The following DMC1 variants were observed in gnomAD, a reference collection of about 807,000 sequenced individuals.
DMC1 encodes the protein meiotic recombination protein DMC1 homolog.
In DMC1, 27 loss-of-function variants were observed where a neutral mutation model predicts 50.1. The ratio of observed to expected loss-of-function variants is 0.54; its 90% confidence interval spans 0.40 to 0.74. The LOEUF is 0.74. DMC1 is among the 30% of genes least tolerant of loss of function. DMC1 has a pLI of 0.00. For synonymous variants in DMC1, 148 were observed against 136.1 expected, an observed-to-expected ratio of 1.09 and a Z score of -0.61; for missense variants, 295 against 420.2, an observed-to-expected ratio of 0.70 and a Z score of 2.60.
chr22:38,544,916 G>A (rs1208172410), intron 8 of DMC1, among the ~76,000 whole-genome samples: 1 of 151,958 alleles, frequency 6.6e-6, no homozygotes, highest in Non-Finnish European at 1.5e-5. Context: ...ACAGGCATGA[G>A]CCACTGCGCC....
In DMC1 at chr22:38,521,482, T is replaced by C. The variant is rs540083745; in HGVS notation, c.953+126A>G. Reference sequence around the variant, plus strand: ...ACTTTGGGAGCCCAAGGTGGGAGGATTGCTTGAGCCTAGGAGTTTGAGACC... The same window carrying C: ...ACTTTGGGAGCCCAAGGTGGGAGGACTGCTTGAGCCTAGGAGTTTGAGACC... On this transcript the variant is annotated intron_variant, in intron 13 of 13. Coordinates refer to ENST00000216024, the MANE Select transcript of DMC1 (RefSeq NM_007068.4). 222 of 658,988 alleles carry C rather than the reference T, an allele frequency of 3.4e-4. 1 individual carries two copies. The highest frequency in any genetic ancestry group is 5.2e-4 in the Non-Finnish European group (195 of 372,350). 40.8% of individuals were successfully genotyped at this position (658,988 alleles called of 1,614,324 possible). A position where few individuals can be genotyped will look rare whatever the true frequency, so the allele number is the denominator to read the frequency against.
intron 6 of DMC1, 97 bp downstream of exon 6, chr22:38,555,260 T>G: frequency 1.3e-6 from 1 of 797,272 alleles, no homozygotes. Flanking sequence ...CAATTTATTA[T>G]TGGTTGTTTA....
intron 9 of DMC1, among the ~76,000 whole-genome samples, chr22:38,538,930 G>A (rs1236082360): frequency 2.0e-5 from 3 of 151,964 alleles, no homozygotes; most frequent in Non-Finnish European, 4.4e-5. Context: ...CAGCGACTTG[G>A]GAGGCTGAGG....
intron 12 of DMC1, among the ~76,000 whole-genome samples, chr22:38,531,247 A>T (rs1569156013): frequency 6.6e-6 from 1 of 152,058 alleles, no homozygotes; most frequent in Non-Finnish European, 1.5e-5. Flanking sequence ...TGATACTTTG[A>T]CTTTTTATCT....
At chr22:38,569,352 T>G (rs1027547688) in intron 1 of DMC1, 1 of 152,112 alleles carries the variant, frequency 6.6e-6, no homozygotes, top group African/African-American at 2.4e-5. Context: ...CTTGGTCGAT[T>G]CCATTTCCTC....
chr22:38,561,735 T>C (rs2090529653), intron 5 of DMC1, among the ~76,000 whole-genome samples: 1 of 152,200 alleles, frequency 6.6e-6, no homozygotes, highest in South Asian at 2.1e-4. Context: ...CTGCTTTTGT[T>C]CTAAATGCTC....
intron 2 of DMC1, 102 bp downstream of exon 2, chr22:38,568,104 T>G (rs2090599204): frequency 9.5e-7 from 1 of 1,051,778 alleles, no homozygotes; most frequent in Non-Finnish European, 1.5e-6. Context: ...AACTATGTGT[T>G]ATTTCTACTT....
chr22:38,563,952 G>A (rs1291197565), intron 4 of DMC1, among the ~76,000 whole-genome samples: 3 of 151,844 alleles, frequency 2.0e-5, no homozygotes, highest in East Asian at 1.9e-4. Context: ...CGCCTGCCTC[G>A]GCCTCCCAAA....
rs574153803 is a variant in DMC1 at position 38,568,308 on chromosome 22, T to C, written c.-33-19A>G. The C allele has an allele frequency of 3.4e-4, 534 of 1,582,138 alleles. No homozygotes were observed. The highest frequency in any genetic ancestry group is 4.4e-4 in the Non-Finnish European group (502 of 1,151,206). On this transcript the variant is annotated intron_variant, in intron 1 of 13. Transcript: ENST00000216024. ...ATCACTTCTGGGAAAATAAGAAATATTATGTAAGAAGTAGTCCTTTGTCCA... is the reference window on the plus strand; with the variant it reads ...ATCACTTCTGGGAAAATAAGAAATACTATGTAAGAAGTAGTCCTTTGTCCA...
chr22:38,546,548 C>T (rs1266583123), intron 8 of DMC1, among the ~76,000 whole-genome samples: 3 of 152,174 alleles, frequency 2.0e-5, no homozygotes, highest in Admixed American at 6.5e-5. Context: ...ATTTCACCCT[C>T]CTTCCCCAAG....
intron 12 of DMC1, among the ~76,000 whole-genome samples, chr22:38,529,556 A>G (rs2090132924): frequency 6.6e-6 from 1 of 152,098 alleles, no homozygotes; most frequent in African/African-American, 2.4e-5. Flanking sequence ...TATTGTTGAG[A>G]GTAAGACCCA....
chr22:38,515,723 TG>T (rs1326917815), downstream of DMC1, among the ~76,000 whole-genome samples: 1 of 151,302 alleles, frequency 6.6e-6, no homozygotes, highest in Non-Finnish European at 1.5e-5. Flanking sequence ...CGTTTGAACC[TG>T]GGAGTGGAGG....
At chr22:38,568,523 G>C in intron 1 of DMC1, 1 of 516,414 alleles carries the variant, frequency 1.9e-6, no homozygotes. Flanking sequence ...GGGGCAAATT[G>C]GGGGGTGCTT....
chr22:38,538,450 T>C (rs374790630), intron 10 of DMC1, 41 bp from the exon 11 acceptor site: 30 of 1,608,622 alleles, frequency 1.9e-5, no homozygotes, highest in Non-Finnish European at 2.5e-5. Flanking sequence ...CATTTGGAAA[T>C]TGAAGGAAGA....
chr22:38,568,684 G>A (rs1287449311), intron 1 of DMC1, among the ~76,000 whole-genome samples: 2 of 152,058 alleles, frequency 1.3e-5, no homozygotes, highest in Admixed American at 1.3e-4. Flanking sequence ...AATACTCTAG[G>A]AACCTTGACA....
chr22:38,539,864 T>C (rs2090261406), intron 8 of DMC1, among the ~76,000 whole-genome samples: 1 of 152,222 alleles, frequency 6.6e-6, no homozygotes. Context: ...ATAATATCAC[T>C]GAATTATAAT....
chr22:38,539,548 A>C lies in DMC1; in HGVS notation c.495-136T>G, dbSNP rs191919562. 55 of 738,248 alleles carry C rather than the reference A, an allele frequency of 7.5e-5. 1 individual carries two copies. The Admixed American group carries it at 8.9e-4, about 12-fold the overall frequency. 45.7% of individuals were successfully genotyped at this position (738,248 alleles called of 1,614,324 possible). A position where few individuals can be genotyped will look rare whatever the true frequency, so the allele number is the denominator to read the frequency against. On this transcript the variant is annotated intron_variant, in intron 8 of 13. Coordinates refer to ENST00000216024, the MANE Select transcript of DMC1 (RefSeq NM_007068.4). ...CTGTGAAGGTATTCTAGAGGATGCT[A>C]GCAACCATTTAAAGTCTATACAAGA...
At chr22:38,553,616 G>C (rs2090437778) in intron 6 of DMC1, among the ~76,000 whole-genome samples, 1 of 151,916 alleles carries the variant, frequency 6.6e-6, no homozygotes, top group South Asian at 2.1e-4. Flanking sequence ...TTGAGGTCAG[G>C]AGTTCGAGAC....
At chr22:38,549,705 T>A in intron 8 of DMC1, 1 of 503,828 alleles carries the variant, frequency 2.0e-6, no homozygotes, top group South Asian at 3.0e-5. Flanking sequence ...TAATTTCCTC[T>A]CATGTATTTG....
Sources: gnomAD v4.1 joint callset for allele counts (sites outside exome capture counted in the v4.1 genomes callset) on GRCh38, gnomAD v4.1.1 for gene constraint, MANE v1.5 for transcripts, NCBI Gene and HGNC (gene_info 2026-07-23, HGNC 2026-07-21) for gene names.